Variants in XIRP2 observed in about 807,000 individuals in gnomAD.
The protein encoded by XIRP2 is xin actin binding repeat containing 2.
XIRP2 carries 236 observed loss-of-function variants against 277.0 expected under a neutral mutation model. That is an observed-to-expected ratio of 0.85 (90% confidence interval 0.77 to 0.95). The LOEUF (loss-of-function observed/expected upper bound fraction) is 0.95, where lower values mean the gene tolerates loss of function less well. Ranked by LOEUF, XIRP2 falls within the 40% of genes least tolerant of loss-of-function variation. The pLI is 0.00. For synonymous variants in XIRP2, 1,490 were observed against 1,416.5 expected (o/e 1.05, Z -1.17); for missense variants, 4,640 against 4,157.5 (o/e 1.12, Z -3.19).
intron 2 of XIRP2, among the ~76,000 whole-genome samples, chr2:167,021,723 G>C (rs980665065): frequency 6.6e-6 from 1 of 152,080 alleles, no homozygotes. Flanking sequence ...TACTCAGGAG[G>C]TGGAGGTGGG....
At chr2:167,240,284 A>T (rs1481770772) in intron 6 of XIRP2, among the ~76,000 whole-genome samples, 1 of 152,012 alleles carries the variant, frequency 6.6e-6, no homozygotes, top group Non-Finnish European at 1.5e-5. Context: ...GTGTGCTGGT[A>T]TGTGCCTGTA....
At chr2:167,129,622 G>A (rs1232830742) in intron 2 of XIRP2, among the ~76,000 whole-genome samples, 1 of 152,040 alleles carries the variant, frequency 6.6e-6, no homozygotes, top group Non-Finnish European at 1.5e-5. Flanking sequence ...TGTAATCCCA[G>A]CACTTTGGGA....
intron 2 of XIRP2, among the ~76,000 whole-genome samples, chr2:167,085,466 G>A (rs1049204014): frequency 6.6e-6 from 1 of 151,414 alleles, no homozygotes; most frequent in Non-Finnish European, 1.5e-5. Flanking sequence ...GGTCTGCTTG[G>A]TGCAGAGCTG....
chr2:166,896,668 A>G (rs1684251890), intron 1 of XIRP2, among the ~76,000 whole-genome samples: 1 of 152,092 alleles, frequency 6.6e-6, no homozygotes, highest in Admixed American at 6.5e-5. Flanking sequence ...TTTGTTATTG[A>G]AGAAAGAAAA....
intron 1 of XIRP2, among the ~76,000 whole-genome samples, chr2:166,897,349 G>A (rs1010375141): frequency 1.3e-5 from 2 of 152,118 alleles, no homozygotes; most frequent in Non-Finnish European, 2.9e-5. Flanking sequence ...GGGAATATGG[G>A]AAGAAGGGTT....
At chr2:167,135,809 A>G in intron 2 of XIRP2, 100 bp from the exon 3 acceptor site, 2 of 1,180,642 alleles carry the variant, frequency 1.7e-6, no homozygotes, top group Non-Finnish European at 2.3e-6. Flanking sequence ...CATGACAGAA[A>G]TCCCTCCCTC....
intron 2 of XIRP2, among the ~76,000 whole-genome samples, chr2:167,026,985 G>A (rs987406698): frequency 2.0e-5 from 3 of 151,942 alleles, no homozygotes; most frequent in African/African-American, 4.8e-5. Context: ...ATGTGTCTTG[G>A]TGTTGCTCTT....
At chr2:167,130,714 TC>T (rs1466081202) in intron 2 of XIRP2, among the ~76,000 whole-genome samples, 1 of 152,094 alleles carries the variant, frequency 6.6e-6, no homozygotes, top group African/African-American at 2.4e-5. Flanking sequence ...TCAATCGCTC[TC>T]TTAGATCTCT....
chr2:167,088,351 C>G (rs1237846524), intron 2 of XIRP2, among the ~76,000 whole-genome samples: 1 of 152,074 alleles, frequency 6.6e-6, no homozygotes, highest in Non-Finnish European at 1.5e-5. Context: ...GCATTTCTGA[C>G]TAGGTGACAT....
chr2:167,196,122 T>C (rs1271357889), intron 3 of XIRP2, among the ~76,000 whole-genome samples: 1 of 152,188 alleles, frequency 6.6e-6, no homozygotes, highest in African/African-American at 2.4e-5. Flanking sequence ...TTTAACTGAC[T>C]CTTTATTATT....
intron 3 of XIRP2, among the ~76,000 whole-genome samples, chr2:167,169,364 G>A (rs1420492976): frequency 2.0e-5 from 3 of 152,186 alleles, no homozygotes; most frequent in African/African-American, 7.2e-5. Context: ...GGATTTTTAA[G>A]TCTCAGAGTA....
intron 3 of XIRP2, among the ~76,000 whole-genome samples, chr2:167,162,220 C>G (rs112626817): frequency 1.3e-5 from 2 of 152,332 alleles, no homozygotes; most frequent in Admixed American, 1.3e-4. Context: ...CCAAACTGTT[C>G]CAACATCTGC....
intron 2 of XIRP2, among the ~76,000 whole-genome samples, chr2:167,084,659 T>G (rs2105266592): frequency 6.6e-6 from 1 of 152,150 alleles, no homozygotes. Context: ...TTCTTCCTGG[T>G]TTAGTCTTGG....
Position 166,940,596 on chromosome 2 carries a change from G to A in XIRP2, c.408+36706G>A, listed in dbSNP as rs188013060. On this transcript the variant is annotated intron_variant, in intron 2 of 10. Transcript: ENST00000409195. Reference sequence around the variant, plus strand: ...GTAGTTTTATCTACCTTTGGTCTTTGATGGTGGTGGCGTACAGATGGGGTT... The same window carrying A: ...GTAGTTTTATCTACCTTTGGTCTTTAATGGTGGTGGCGTACAGATGGGGTT... Among the ~76,000 whole-genome samples, 376 of 152,248 alleles carry A rather than the reference G, an allele frequency of 2.5e-3. 1 individual carries two copies. Among genetic ancestry groups the A allele is most frequent in the Admixed American group, 5.8e-3 (89 of 15,282 alleles).
At position 167,050,707 on chromosome 2, in the gene XIRP2, C is replaced by T. The variant is rs79999507; in HGVS notation, c.409-85202C>T. Reference sequence around the variant, plus strand: ...AGGTAAAAGCAAGTTATCAATAGAACGAGAAGGGATAAGCAGAGGAGGAAA... The same window carrying T: ...AGGTAAAAGCAAGTTATCAATAGAATGAGAAGGGATAAGCAGAGGAGGAAA... On this transcript the variant is annotated intron_variant, in intron 2 of 10. Coordinates refer to ENST00000409195, the MANE Select transcript of XIRP2 (RefSeq NM_152381.6). Among the ~76,000 whole-genome samples, 318 of 151,470 alleles carry T rather than the reference C, an allele frequency of 2.1e-3. 11 individuals carry two copies. In the East Asian group the frequency reaches 0.041, roughly 20 times the overall value.
Position 167,027,710 on chromosome 2 carries a change from G to T in XIRP2, c.409-108199G>T, listed in dbSNP as rs974514196. Among the ~76,000 whole-genome samples, 4 of 152,038 alleles carry T rather than the reference G, an allele frequency of 2.6e-5. No individual in the cohort carries two copies. In the South Asian group the frequency reaches 6.2e-4, roughly 24 times the overall value. Reference sequence around the variant, plus strand: ...GTGTGGATGTCCTTTCTGTTTGATAGTTTTTCTTGTAACAGACAGGACCCT... The same window carrying T: ...GTGTGGATGTCCTTTCTGTTTGATATTTTTTCTTGTAACAGACAGGACCCT... On this transcript the variant is annotated intron_variant, in intron 2 of 10. Transcript: ENST00000409195.
intron 2 of XIRP2, among the ~76,000 whole-genome samples, chr2:167,035,000 C>G (rs1558956929): frequency 6.6e-6 from 1 of 152,156 alleles, no homozygotes; most frequent in African/African-American, 2.4e-5. Flanking sequence ...GGGGTTTCCG[C>G]TTTTGCTTCT....
At chr2:167,073,512 C>G (rs1393345528) in intron 2 of XIRP2, among the ~76,000 whole-genome samples, 2 of 152,008 alleles carry the variant, frequency 1.3e-5, no homozygotes, top group African/African-American at 2.4e-5. Flanking sequence ...TTTACTTCAG[C>G]CTTTGTCTTG....
chr2:167,186,391 G>A (rs7577527), intron 3 of XIRP2, among the ~76,000 whole-genome samples: 15,010 of 152,134 alleles, frequency 0.099, 796 homozygotes, highest in South Asian at 0.16. Flanking sequence ...CTTACAAATA[G>A]GCATTTTATA....
Sources: gnomAD v4.1 joint callset for allele counts (sites outside exome capture counted in the v4.1 genomes callset) on GRCh38, gnomAD v4.1.1 for gene constraint, MANE v1.5 for transcripts, NCBI Gene and HGNC (gene_info 2026-07-23, HGNC 2026-07-21) for gene names.